ESRRB: variants seen among roughly 807,000 people sequenced by gnomAD.
ESRRB encodes the protein estrogen related receptor beta, also known as steroid hormone receptor ERR2.
Under a neutral mutation model 46.0 loss-of-function variants are expected in ESRRB, and 16 were observed. That is an observed-to-expected ratio of 0.35 (90% confidence interval 0.24 to 0.53). The LOEUF is 0.53. ESRRB is among the 20% of genes least tolerant of loss of function. The probability of loss-of-function intolerance (pLI) is 0.93; values close to 1 mark genes in which losing one functional copy is unlikely to be tolerated. For synonymous variants in ESRRB, 246 were observed against 259.6 expected, an observed-to-expected ratio of 0.95 and a Z score of 0.50; for missense variants, 488 against 607.4, an observed-to-expected ratio of 0.80 and a Z score of 2.07.
At chr14:76,493,550 T>G (rs1890308723) in intron 6 of ESRRB, among the ~76,000 whole-genome samples, 1 of 152,212 alleles carries the variant, frequency 6.6e-6, no homozygotes, top group African/African-American at 2.4e-5. Context: ...TTAATTATTA[T>G]CATTACTATT....
chr14:76,469,944 C>CTTTTTTTTTTTTTTTTTT (rs1178018542), intron 3 of ESRRB, among the ~76,000 whole-genome samples: 24 of 73,072 alleles, frequency 3.3e-4, no homozygotes, highest in East Asian at 1.3e-3. Context: ...TTTTTTTTTT[C>CTTTTTTTTTTTTTTTTTT]TTTTTTTTTT....
At chr14:76,481,423 T>G (rs956319802) in intron 3 of ESRRB, among the ~76,000 whole-genome samples, 9 of 152,302 alleles carry the variant, frequency 5.9e-5, no homozygotes, top group African/African-American at 2.2e-4. Context: ...TTCAAGATAT[T>G]TCCAGGCACT....
intron 1 of ESRRB, among the ~76,000 whole-genome samples, chr14:76,324,183 GC>G (rs1883900734): frequency 6.6e-6 from 1 of 152,212 alleles, no homozygotes; most frequent in Non-Finnish European, 1.5e-5. Flanking sequence ...TGTGGACTCA[GC>G]CAAGGTCTAG....
At position 76,439,558 on chromosome 14, in the gene ESRRB, G is replaced by A; in HGVS notation, c.268G>A (p.Gly90Ser). 1 of 1,614,026 alleles carries A rather than the reference G, an allele frequency of 6.2e-7. No homozygotes were observed. The highest frequency in any genetic ancestry group is 8.5e-7 in the Non-Finnish European group (1 of 1,179,996). ...PPMFAGAGLG[G>S]TPCRKSYEDC... is the part of the protein sequence containing the mutation. The stretch of plus-strand genomic sequence containing the variant: ...CATGTTTGCAGGCGCCGGGCTGGGA[G>A]GCACCCCATGCCGCAAGAGCTACGA... Residue 90 changes from glycine (G) to serine (S), a missense_variant, in exon 2 of 7, where the codon GGC becomes AGC. Transcript: ENST00000644823.
intron 3 of ESRRB, among the ~76,000 whole-genome samples, chr14:76,471,782 G>A (rs1361629113): frequency 1.3e-5 from 2 of 152,112 alleles, no homozygotes; most frequent in African/African-American, 2.4e-5. Flanking sequence ...ATTTGCAGAC[G>A]TGTTTGCACT....
intron 2 of ESRRB, among the ~76,000 whole-genome samples, chr14:76,449,940 T>C (rs937492825): frequency 2.0e-5 from 3 of 151,960 alleles, no homozygotes; most frequent in Admixed American, 1.3e-4. Flanking sequence ...TTTAAAAAAA[T>C]TGTAAAGCGG....
chr14:76,488,634 A>T (rs1217264787), intron 5 of ESRRB, among the ~76,000 whole-genome samples: 6 of 152,114 alleles, frequency 3.9e-5, no homozygotes, highest in Non-Finnish European at 8.8e-5. Flanking sequence ...TGCTGTGCCC[A>T]GTCGTGGGGG....
rs192301518 is a variant in ESRRB, at chr14:76,500,512, C to T, written c.*2054C>T. 6.1e-6 allele frequency: 4 copies of T among 654,028 alleles called. No individual in the cohort carries two copies. Among genetic ancestry groups the T allele is most frequent in the Admixed American group, 4.5e-5 (2 of 43,978 alleles). 40.5% of individuals were successfully genotyped at this position (654,028 alleles called of 1,614,324 possible). ...GAGGCTCTGCCCTGAGGTTCTGCTCCGGAGAAACCTTCACAGTAGAGACCT... is the reference window on the plus strand; with the variant it reads ...GAGGCTCTGCCCTGAGGTTCTGCTCTGGAGAAACCTTCACAGTAGAGACCT... On this transcript the variant is annotated 3_prime_UTR_variant, in exon 7 of 7. Coordinates refer to ENST00000644823, the MANE Select transcript of ESRRB (RefSeq NM_001379180.1).
At chr14:76,336,635 C>T (rs1235311487) in intron 1 of ESRRB, among the ~76,000 whole-genome samples, 3 of 152,166 alleles carry the variant, frequency 2.0e-5, no homozygotes, top group African/African-American at 7.2e-5. Context: ...TGCACTTCTC[C>T]CCAGGATCCC....
At chr14:76,449,743 T>C (rs1595130011) in intron 2 of ESRRB, among the ~76,000 whole-genome samples, 1 of 150,504 alleles carries the variant, frequency 6.6e-6, no homozygotes, top group East Asian at 1.9e-4. Flanking sequence ...TAAGCAATTT[T>C]CTCTCTTTTT....
chr14:76,319,452 A>C (rs1883842263), intron 1 of ESRRB, among the ~76,000 whole-genome samples: 1 of 152,170 alleles, frequency 6.6e-6, no homozygotes. Flanking sequence ...ACACGTGTGC[A>C]CATTAGGAAG....
intron 1 of ESRRB, among the ~76,000 whole-genome samples, chr14:76,411,449 C>CAA (rs34548322): frequency 1.3e-5 from 2 of 148,366 alleles, no homozygotes. Flanking sequence ...CTCCATCTTC[C>CAA]AAAAAAAAAA....
chr14:76,317,617 A>C (rs1883817462), intron 1 of ESRRB, among the ~76,000 whole-genome samples: 1 of 152,150 alleles, frequency 6.6e-6, no homozygotes, highest in Admixed American at 6.5e-5. Flanking sequence ...AGTCAACTGG[A>C]AAGAGGCCCA....
rs1157623694 is a variant in ESRRB at position 76,332,824 on chromosome 14, A to G, written c.2+21908A>G. Among the ~76,000 whole-genome samples, 5 of 22,798 alleles carry G rather than the reference A, an allele frequency of 2.2e-4. No individual in the cohort carries two copies. In the East Asian group the frequency reaches 0.02, roughly 91 times the overall value. 15.0% of individuals were successfully genotyped at this position (22,798 alleles called of 152,430 possible). On this transcript the variant is annotated intron_variant, in intron 1 of 6. Transcript: ENST00000512784. ...ATATATTTATATATTATATATTTAT[A>G]TATTTATATATTATATATTTATATA...
At chr14:76,393,527 AC>A (rs1338753502) in intron 1 of ESRRB, among the ~76,000 whole-genome samples, 2 of 152,226 alleles carry the variant, frequency 1.3e-5, no homozygotes, top group African/African-American at 4.8e-5. Flanking sequence ...TGCATGAAAT[AC>A]CTTTACTGCA....
chr14:76,375,952 C>G (rs1020535306), upstream of ESRRB, among the ~76,000 whole-genome samples: 1 of 147,494 alleles, frequency 6.8e-6, no homozygotes, highest in African/African-American at 2.5e-5. Flanking sequence ...AGTACTCCTA[C>G]TGCTCAGGAG....
intron 1 of ESRRB, among the ~76,000 whole-genome samples, chr14:76,377,620 C>T (rs1884831036): frequency 1.3e-5 from 2 of 152,162 alleles, no homozygotes; most frequent in African/African-American, 4.8e-5. Context: ...TCCAAGTCAG[C>T]GTTTCTCCAG....
chr14:76,467,891 A>G (rs1478636963), intron 3 of ESRRB, among the ~76,000 whole-genome samples: 2 of 151,720 alleles, frequency 1.3e-5, no homozygotes, highest in Admixed American at 1.3e-4. Context: ...CCCTCACGCG[A>G]CCGGCCTCCC....
chr14:76,443,713 T>C (rs1047136218), intron 2 of ESRRB, among the ~76,000 whole-genome samples: 1 of 152,120 alleles, frequency 6.6e-6, no homozygotes, highest in African/African-American at 2.4e-5. Context: ...AAAGCAGAGG[T>C]TAATGTGTGT....
Sources: allele counts gnomAD v4.1 joint callset (sites outside exome capture counted in the v4.1 genomes callset), GRCh38; gene constraint gnomAD v4.1.1; transcripts MANE v1.5; gene names NCBI Gene and HGNC (gene_info 2026-07-23, HGNC 2026-07-21).